KIAA1191: variants seen among roughly 807,000 people sequenced by gnomAD.
KIAA1191 encodes the protein putative monooxygenase p33MONOX.
A neutral mutation model predicts 31.1 loss-of-function variants in KIAA1191; 22 were observed. The ratio of observed to expected loss-of-function variants is 0.71; its 90% CI spans 0.51 to 1.01. The LOEUF (loss-of-function observed/expected upper bound fraction) is 1.01. KIAA1191 is among the 50% of genes least tolerant of loss of function. KIAA1191 has a pLI of 0.00. For missense variants in KIAA1191, 319 were observed against 388.0 expected (o/e 0.82, Z 1.49); for synonymous variants, 130 against 143.9 (o/e 0.90, Z 0.69).
In KIAA1191 at chr5:176,352,751, G is replaced by A. The variant is rs775171929; in HGVS notation, c.208-3C>T. ...AGACTGGCCTCTCCTTCCTCCACCT[G>A]TTCAAGAGAGGTACAGTACAGAAGC... is the stretch of plus-strand genomic sequence containing the variant. On this transcript the variant is annotated splice_polypyrimidine_tract_variant and splice_region_variant and intron_variant, in intron 4 of 8. Coordinates refer to ENST00000298569, the MANE Select transcript of KIAA1191 (RefSeq NM_020444.5). 5 of 1,612,680 alleles carry A rather than the reference G, an allele frequency of 3.1e-6. No homozygotes were observed. In the East Asian group the frequency reaches 1.1e-4, roughly 36 times the overall value.
In KIAA1191 at chr5:176,348,359, G is replaced by A. The variant is rs1766703771; in HGVS notation, c.460-3C>T. On this transcript the variant is annotated splice_region_variant and splice_polypyrimidine_tract_variant and intron_variant, in intron 6 of 8. Transcript: ENST00000298569. The stretch of plus-strand genomic sequence containing the variant: ...TCTCCACTCTGTAACTTTAGTTTCT[G>A]CTCAGATGGGTAAGAAGAGAGACTT... 1 of 1,604,978 alleles carries A rather than the reference G, an allele frequency of 6.2e-7. No homozygotes were observed. The highest frequency in any genetic ancestry group is 1.3e-5 in the African/African-American group (1 of 74,506).
In KIAA1191 at chr5:176,350,639, A is replaced by C; in HGVS notation, c.433T>G (p.Tyr145Asp). The change falls in exon 6 of 9, where the codon TAC (tyrosine) becomes GAC (aspartate). Residue 145 changes from tyrosine (Y) to aspartate (D), a missense_variant. Transcript: ENST00000298569. Reference protein sequence around the residue: ...HKGLTTEETKYLRVAEALHKL... With the variant: ...HKGLTTEETKDLRVAEALHKL... ...TGGAGTGCTTCGGCCACTCGAAGGT[A>C]CTTGGTCTCCTCGGTGGTGAGGCCC... 1 of 1,614,032 alleles carries C rather than the reference A, an allele frequency of 6.2e-7. No homozygotes were observed. Among genetic ancestry groups the C allele is most frequent in the Non-Finnish European group, 8.5e-7 (1 of 1,180,002 alleles).
chr5:176,360,859 CTA>C (rs1371052002), intron 1 of KIAA1191, among the ~76,000 whole-genome samples: 1 of 151,754 alleles, frequency 6.6e-6, no homozygotes, highest in African/African-American at 2.4e-5. Flanking sequence ...GAGAAGGAAA[CTA>C]AAAATCAGAG....
At chr5:176,360,153 A>ATTTTTT (rs200839926) in intron 1 of KIAA1191, among the ~76,000 whole-genome samples, 2 of 123,078 alleles carry the variant, frequency 1.6e-5, no homozygotes, top group Admixed American at 8.5e-5. Flanking sequence ...CCCAATCCCA[A>ATTTTTT]TTTTTTTTTT....
Position 176,352,727 on chromosome 5 carries a change from G to A in KIAA1191, c.229C>T (p.Leu77=). 6.2e-7 allele frequency: 1 copy of A among 1,613,802 alleles called. No individual in the cohort carries two copies. The highest frequency in any genetic ancestry group is 8.5e-7 in the Non-Finnish European group (1 of 1,179,824). Residue 77 remains leucine, a synonymous_variant, in exon 5 of 9, where the codon CTA becomes TTA. Coordinates refer to ENST00000298569, the MANE Select transcript of KIAA1191 (RefSeq NM_020444.5). ...LAKVEEGEAS[L]PSPAMTLSSA... ...GACAGGGTCATGGCAGGGGAGGGTA[G>A]ACTGGCCTCTCCTTCCTCCACCTGT...
At position 176,346,096 on chromosome 5, in the gene KIAA1191, C is replaced by T. The variant is rs1300038295; in HGVS notation, c.*1504G>A. On this transcript the variant is annotated 3_prime_UTR_variant, in exon 9 of 9. Coordinates refer to ENST00000298569, the MANE Select transcript of KIAA1191 (RefSeq NM_020444.5). ...GTAGTAAGGATTTTTATTGTCAAAACGAGATCATAATAGAAGACACAAATA... is the reference window on the plus strand; with the variant it reads ...GTAGTAAGGATTTTTATTGTCAAAATGAGATCATAATAGAAGACACAAATA... 2.6e-5 allele frequency: 4 copies of T among 152,026 alleles called. No homozygotes were observed. The highest frequency in any genetic ancestry group is 5.9e-5 in the Non-Finnish European group (4 of 68,006). 9.4% of individuals were successfully genotyped at this position (152,026 alleles called of 1,614,324 possible). A position where few individuals can be genotyped will look rare whatever the true frequency, so the allele number is the denominator to read the frequency against.
chr5:176,360,660 G>A (rs1767918823), intron 1 of KIAA1191, among the ~76,000 whole-genome samples: 1 of 151,946 alleles, frequency 6.6e-6, no homozygotes, highest in African/African-American at 2.4e-5. Flanking sequence ...AATTAGCCGG[G>A]CATGGTGGCG....
intron 5 of KIAA1191, 104 bp from the exon 6 acceptor site, chr5:176,350,841 A>G: frequency 7.2e-7 from 1 of 1,381,350 alleles, no homozygotes; most frequent in Non-Finnish European, 9.8e-7. Flanking sequence ...AAGAGACCAC[A>G]CTGACCATTC....
Position 176,355,301 on chromosome 5 carries a change from C to T in KIAA1191, c.207+270G>A, listed in dbSNP as rs537295598. On this transcript the variant is annotated intron_variant, in intron 4 of 8. Coordinates refer to ENST00000298569, the MANE Select transcript of KIAA1191 (RefSeq NM_020444.5). This position sits in a 1 kb window ranked among gnomAD's most constrained non-coding sequence, Gnocchi z 4.2. Reference sequence around the variant, plus strand: ...GGTACACTGTACACTATTCGGGTGACGGGTGCACTAAAAGCCCAGACTTCA... The same window carrying T: ...GGTACACTGTACACTATTCGGGTGATGGGTGCACTAAAAGCCCAGACTTCA... Among the ~76,000 whole-genome samples the T allele has an allele frequency of 3.8e-4, 58 of 151,762 alleles. No individual in the cohort carries two copies. The South Asian group carries it at 0.011, about 29-fold the overall frequency.
chr5:176,356,386 TC>T (rs938523885), intron 3 of KIAA1191, among the ~76,000 whole-genome samples: 1 of 152,212 alleles, frequency 6.6e-6, no homozygotes, highest in African/African-American at 2.4e-5. Flanking sequence ...AAAGTGACCT[TC>T]CCAAGTTCAT....
rs545184126 is a variant in KIAA1191 at position 176,359,432 on chromosome 5, A to G, written c.28+49T>C. 745 of 1,536,460 alleles carry G rather than the reference A, an allele frequency of 4.8e-4. 2 individuals carry two copies. The highest frequency in any genetic ancestry group is 6.2e-4 in the Non-Finnish European group (686 of 1,110,094). ...ATAAAATGGTTTCTGTCTAGCTTAA[A>G]ACATTAATAAGGGCAAAACATGATT... On this transcript the variant is annotated intron_variant, in intron 3 of 8. Transcript: ENST00000298569.
Position 176,359,404 on chromosome 5 carries a change from C to T in KIAA1191, c.28+77G>A, listed in dbSNP as rs183175150. 2.2e-3 allele frequency: 2,856 copies of T among 1,298,744 alleles called. 24 individuals are homozygous for T. The Middle Eastern group carries it at 0.023, about 10-fold the overall frequency. 80.5% of individuals were successfully genotyped at this position (1,298,744 alleles called of 1,614,324 possible). On this transcript the variant is annotated intron_variant, in intron 3 of 8. Coordinates refer to ENST00000298569, the MANE Select transcript of KIAA1191 (RefSeq NM_020444.5). ...AGAGATTAACCATTAATATATAGTTCCGATAAAATGGTTTCTGTCTAGCTT... is the reference window on the plus strand; with the variant it reads ...AGAGATTAACCATTAATATATAGTTTCGATAAAATGGTTTCTGTCTAGCTT...
chr5:176,350,621 C>T lies in KIAA1191; in HGVS notation c.451G>A (p.Ala151Thr), dbSNP rs1437955852. 4 of 1,613,836 alleles carry T rather than the reference C, an allele frequency of 2.5e-6. No individual in the cohort carries two copies. The highest frequency in any genetic ancestry group is 2.2e-5 in the South Asian group (2 of 91,064). ...EETKYLRVAE[A>T]LHKLKLQSGE... The stretch of plus-strand genomic sequence containing the variant: ...AGTTCCTAAGAGCTTACGTGGAGTG[C>T]TTCGGCCACTCGAAGGTACTTGGTC... The change falls in exon 6 of 9, where the codon GCA becomes ACA. Residue 151 changes from alanine (A) to threonine (T), a missense_variant. Transcript: ENST00000298569.
intron 4 of KIAA1191, 131 bp from the exon 5 acceptor site, chr5:176,352,879 G>T: frequency 9.9e-7 from 1 of 1,011,176 alleles, no homozygotes; most frequent in Non-Finnish European, 1.4e-6. Context: ...TTGAAGGGAG[G>T]AGTTGGTCAT....
Position 176,355,826 on chromosome 5 carries a change from A to G in KIAA1191, c.29-77T>C, listed in dbSNP as rs1258381277. 3.6e-6 allele frequency: 5 copies of G among 1,399,524 alleles called. No individual in the cohort carries two copies. Among genetic ancestry groups the G allele is most frequent in the Non-Finnish European group, 5.0e-6 (5 of 990,164 alleles). The allele number at this position is 1,399,524 out of a possible 1,614,324, so 86.7% of individuals were successfully genotyped here. ...AGCTTTAAATTAATCTACAGGAAGG[A>G]AAGCTCTGAAATACTCTTGTTCTTG... On this transcript the variant is annotated intron_variant, in intron 3 of 8. Coordinates refer to ENST00000298569, the MANE Select transcript of KIAA1191 (RefSeq NM_020444.5). This position sits in a 1 kb window ranked among gnomAD's most constrained non-coding sequence, Gnocchi z 4.2.
At position 176,347,985 on chromosome 5, in the gene KIAA1191, C is replaced by T; in HGVS notation, c.645G>A (p.Lys215=). The change falls in exon 8 of 9, where the codon AAG becomes AAA. Residue 215 remains lysine, a synonymous_variant. Transcript: ENST00000298569. The stretch of plus-strand genomic sequence containing the variant: ...TCCACTTATCTGACAAGTTTCTGTC[C>T]TTATCCCCACTTCCAGAGTCCATGG... ...PSTMDSGSGD[K]DRNLSDKWSL... 1 of 1,614,092 alleles carries T rather than the reference C, an allele frequency of 6.2e-7. No individual in the cohort carries two copies. Among genetic ancestry groups the T allele is most frequent in the Non-Finnish European group, 8.5e-7 (1 of 1,180,020 alleles).
intron 6 of KIAA1191, 69 bp from the exon 7 acceptor site, chr5:176,348,425 A>G: frequency 8.0e-7 from 1 of 1,251,906 alleles, no homozygotes; most frequent in African/African-American, 1.5e-5. Flanking sequence ...AAGTCTAGGC[A>G]TAAAAAATTT....
rs1422527616 is a variant in KIAA1191 at position 176,350,602 on chromosome 5, T to C, written c.459+11A>G. ...GAAGGTTTTGTTTTTTCAAAGTTCC[T>C]AAGAGCTTACGTGGAGTGCTTCGGC... On this transcript the variant is annotated intron_variant, in intron 6 of 8. Coordinates refer to ENST00000298569, the MANE Select transcript of KIAA1191 (RefSeq NM_020444.5). 6.2e-7 allele frequency: 1 copy of C among 1,612,206 alleles called. No homozygotes were observed. The highest frequency in any genetic ancestry group is 8.5e-7 in the Non-Finnish European group (1 of 1,179,748).
intron 2 of KIAA1191, 79 bp from the exon 3 acceptor site, chr5:176,359,646 G>A (rs1030274867): frequency 1.3e-5 from 9 of 717,426 alleles, no homozygotes; most frequent in East Asian, 1.0e-4. Flanking sequence ...AGAATTGAAC[G>A]GCTTGTTTAC....
Sources: allele counts gnomAD v4.1 joint callset (sites outside exome capture counted in the v4.1 genomes callset), GRCh38; gene constraint gnomAD v4.1.1; non-coding constraint Gnocchi (gnomAD v3.1); transcripts MANE v1.5; gene names NCBI Gene and HGNC (gene_info 2026-07-23, HGNC 2026-07-21).